Variants in ACAP2 observed in about 807,000 individuals in gnomAD.
ACAP2 encodes the protein arf-GAP with coiled-coil, ANK repeat and PH domain-containing protein 2.
A neutral mutation model predicts 115.8 loss-of-function variants in ACAP2; 39 were observed. The observed-to-expected ratio is 0.34, with a 90% confidence interval of 0.26 to 0.44. ACAP2 has a LOEUF of 0.44. ACAP2 is among the 20% of genes least tolerant of loss of function. The pLI is 1.00. For synonymous variants in ACAP2, 289 were observed against 315.8 expected (o/e 0.92, Z 0.90); for missense variants, 662 against 927.6 (o/e 0.71, Z 3.72).
Position 195,412,164 on chromosome 3 carries a change from C to CAAA in ACAP2, c.54-20020_54-20018dup, listed in dbSNP as rs869120673. The stretch of plus-strand genomic sequence containing the variant: ...TGGGTCACAGAGTGAGACCCTGTCT[C>CAAA]AAAAAAAAAAAAAAAAAAAAAAAAA... On this transcript the variant is annotated intron_variant, in intron 1 of 22. Transcript: ENST00000326793. Among the ~76,000 whole-genome samples the CAAA allele has an allele frequency of 2.4e-3, 118 of 48,594 alleles. 6 individuals are homozygous for CAAA. The highest frequency in any genetic ancestry group is 3.4e-3 in the Admixed American group (16 of 4,690). The allele number at this position is 48,594 out of a possible 152,430, so 31.9% of individuals were successfully genotyped here. A position where few individuals can be genotyped will look rare whatever the true frequency, so the allele number is the denominator to read the frequency against.
intron 4 of ACAP2, among the ~76,000 whole-genome samples, chr3:195,356,877 T>TCAGGTGTGACCCGGCATATTCA (rs959072175): frequency 1.1e-4 from 17 of 151,714 alleles, no homozygotes; most frequent in African/African-American, 4.1e-4. Flanking sequence ...CATGCAGACT[T>TCAGGTGTGACCCGGCATATTCA]CAGGTGTGAC....
chr3:195,313,325 A>G (rs1191662896), intron 10 of ACAP2, among the ~76,000 whole-genome samples: 1 of 152,246 alleles, frequency 6.6e-6, no homozygotes, highest in Non-Finnish European at 1.5e-5. Context: ...GCTATAAAAT[A>G]TAGATAGCAC....
chr3:195,304,456 A>T (rs78933605), intron 13 of ACAP2, among the ~76,000 whole-genome samples: 3,287 of 152,242 alleles, frequency 0.022, 117 homozygotes, highest in East Asian at 0.1. Context: ...CCAATTCACG[A>T]AAGTATTAAT....
chr3:195,394,747 G>A (rs779776576), intron 1 of ACAP2, among the ~76,000 whole-genome samples: 1 of 152,114 alleles, frequency 6.6e-6, no homozygotes, highest in Non-Finnish European at 1.5e-5. Context: ...AATAAAAAAT[G>A]TTAGCTAGGC....
intron 1 of ACAP2, among the ~76,000 whole-genome samples, chr3:195,422,650 T>A (rs1453070814): frequency 6.6e-6 from 1 of 152,070 alleles, no homozygotes; most frequent in Non-Finnish European, 1.5e-5. Flanking sequence ...ATTTTTTTTT[T>A]AATTTTCTGT....
intron 1 of ACAP2, chr3:195,410,934 T>C: frequency 3.0e-6 from 1 of 335,298 alleles, no homozygotes; most frequent in Non-Finnish European, 6.0e-6. Context: ...AGGTGCCATC[T>C]TGAAAGCAGA....
intron 4 of ACAP2, among the ~76,000 whole-genome samples, chr3:195,363,162 C>G (rs1263399794): frequency 6.6e-6 from 1 of 152,108 alleles, no homozygotes; most frequent in Non-Finnish European, 1.5e-5. Context: ...AGTGAAGAAT[C>G]TGAAAAAGAA....
In ACAP2 at chr3:195,301,977, G is replaced by A. The variant is rs755440839; in HGVS notation, c.1314C>T (p.Ser438=). ...GCAGGCCTACCCACCGGTGAATTCC[G>A]GAGCACTCGATACACAAGGTGATGC... The part of the protein sequence containing the change: ...NLGITLCIEC[S]GIHRSLGVHF... Residue 438 remains serine (S), a synonymous_variant, in exon 14 of 23, where the codon TCC becomes TCT. Coordinates refer to ENST00000326793, the MANE Select transcript of ACAP2 (RefSeq NM_012287.6). 26 of 1,612,980 alleles carry A rather than the reference G, an allele frequency of 1.6e-5. No homozygotes were observed. Among genetic ancestry groups the A allele is most frequent in the African/African-American group, 4.0e-5 (3 of 74,876 alleles).
In ACAP2 at chr3:195,400,312, G is replaced by A. The variant is rs546542115; in HGVS notation, c.54-8165C>T. Among the ~76,000 whole-genome samples the A allele has an allele frequency of 1.3e-3, 199 of 151,884 alleles. 1 individual carries two copies. Among genetic ancestry groups the A allele is most frequent in the African/African-American group, 4.7e-3 (194 of 41,410 alleles). On this transcript the variant is annotated intron_variant, in intron 1 of 22. Coordinates refer to ENST00000326793, the MANE Select transcript of ACAP2 (RefSeq NM_012287.6). ...GGTCTATAGAATCTTCTGTTCCTGG[G>A]CCTTCAGCTTCTCATATTAACAGGT...
chr3:195,404,047 A>G (rs1194956928), intron 1 of ACAP2, among the ~76,000 whole-genome samples: 1 of 152,190 alleles, frequency 6.6e-6, no homozygotes, highest in Non-Finnish European at 1.5e-5. Context: ...TGATGACATA[A>G]GAAGAAAACC....
At chr3:195,317,557 G>C (rs1451496918) in intron 10 of ACAP2, among the ~76,000 whole-genome samples, 3 of 152,124 alleles carry the variant, frequency 2.0e-5, no homozygotes, top group Non-Finnish European at 2.9e-5. Flanking sequence ...GAATGATCCT[G>C]CGACAACCAA....
chr3:195,402,853 CCTTTT>C (rs138117511), intron 1 of ACAP2, among the ~76,000 whole-genome samples: 2,282 of 152,162 alleles, frequency 0.015, 64 homozygotes, highest in African/African-American at 0.053. Context: ...AAAAAATTTC[CCTTTT>C]CTTTAACAAC....
At chr3:195,282,832 T>C (rs1726593165) in intron 22 of ACAP2, 1 of 152,248 alleles carries the variant, frequency 6.6e-6, no homozygotes, top group South Asian at 2.1e-4. Context: ...CAGACTGCTG[T>C]GTTTCCACTG....
chr3:195,291,892 T>C (rs557266693), intron 19 of ACAP2, 77 bp from the exon 20 acceptor site: 33 of 1,247,372 alleles, frequency 2.6e-5, no homozygotes, highest in Admixed American at 5.8e-5. Flanking sequence ...TTAAAAACAA[T>C]TGGTTTTCGT....
Position 195,328,011 on chromosome 3 carries a change from C to T in ACAP2, c.670-1052G>A, listed in dbSNP as rs1729913490. On this transcript the variant is annotated intron_variant, in intron 8 of 22. Coordinates refer to ENST00000326793, the MANE Select transcript of ACAP2 (RefSeq NM_012287.6). The stretch of plus-strand genomic sequence containing the variant: ...GTTCCTTGGCGTTAGAAAGGATATC[C>T]ATCATGAGGGAAGTATTTGATTTCC... 2.0e-5 allele frequency among the ~76,000 whole-genome samples: 3 copies of T among 151,830 alleles called. No individual in the cohort carries two copies. The South Asian group carries it at 6.2e-4, about 32-fold the overall frequency.
rs142972156 is a variant in ACAP2, at chr3:195,405,520, T to C, written c.54-13373A>G. On this transcript the variant is annotated intron_variant, in intron 1 of 22. Transcript: ENST00000326793. The stretch of plus-strand genomic sequence containing the variant: ...ATCAACGTGGTGAAACCCCCATCTC[T>C]ATTAAAAATACAAAAATTAGCTGGG... 4.5e-4 allele frequency among the ~76,000 whole-genome samples: 68 copies of C among 152,184 alleles called. No homozygotes were observed. In the East Asian group the frequency reaches 0.013, roughly 29 times the overall value.
intron 7 of ACAP2, among the ~76,000 whole-genome samples, chr3:195,333,872 A>G (rs776245622): frequency 4.6e-5 from 7 of 152,214 alleles, no homozygotes; most frequent in Non-Finnish European, 1.0e-4. Context: ...GCATAACCTA[A>G]AGTAGGAGAA....
intron 1 of ACAP2, chr3:195,441,894 A>G (rs1320693381): frequency 3.9e-5 from 6 of 152,274 alleles, no homozygotes; most frequent in Non-Finnish European, 8.8e-5. Context: ...ACATAGAAAG[A>G]AGGGCAACCC....
chr3:195,439,673 C>T (rs1013023887), intron 1 of ACAP2, among the ~76,000 whole-genome samples: 1 of 151,850 alleles, frequency 6.6e-6, no homozygotes, highest in Non-Finnish European at 1.5e-5. Flanking sequence ...GTTGCCCAGG[C>T]TGGAGTACAG....
Sources: gnomAD v4.1 joint callset for allele counts (sites outside exome capture counted in the v4.1 genomes callset) on GRCh38, gnomAD v4.1.1 for gene constraint, MANE v1.5 for transcripts, NCBI Gene and HGNC (gene_info 2026-07-23, HGNC 2026-07-21) for gene names.